The following FHIT variants were observed in gnomAD, a reference collection of about 807,000 sequenced individuals.
FHIT encodes fragile histidine triad diadenosine triphosphatase, also known as bis(5'-adenosyl)-triphosphatase.
Under a neutral mutation model 17.9 loss-of-function variants are expected in FHIT, and 19 were observed. That is an observed-to-expected ratio of 1.06 (90% CI 0.74 to 1.56). FHIT has a LOEUF of 1.56. Ranked by LOEUF, FHIT falls within the 40% of genes most tolerant of loss-of-function variation. The probability of loss-of-function intolerance (pLI) is 0.00; values close to 1 mark genes in which losing one functional copy is unlikely to be tolerated. For synonymous variants in FHIT, 81 were observed against 69.7 expected, an observed-to-expected ratio of 1.16 and a Z score of -0.81; for missense variants, 248 against 189.2, an observed-to-expected ratio of 1.31 and a Z score of -1.82.
chr3:60,308,496 G>GTATATATATATATATATATATATATATA (rs5849349), intron 5 of FHIT, among the ~76,000 whole-genome samples: 6 of 140,952 alleles, frequency 4.3e-5, no homozygotes, highest in South Asian at 4.8e-4. Context: ...AGGTGTATGT[G>GTATATATATATATATATATATATATATA]TATATATATA....
At chr3:60,107,180 A>G (rs1465051028) in intron 5 of FHIT, among the ~76,000 whole-genome samples, 1 of 131,468 alleles carries the variant, frequency 7.6e-6, no homozygotes, top group African/African-American at 2.8e-5. Flanking sequence ...TTTGTACACA[A>G]AGGACTCTTT....
chr3:60,930,256 A>C (rs1157581600), intron 3 of FHIT, among the ~76,000 whole-genome samples: 4 of 152,226 alleles, frequency 2.6e-5, no homozygotes, highest in African/African-American at 9.6e-5. Flanking sequence ...CTAAAACCAT[A>C]AAAACCCTAG....
At chr3:59,859,700 G>A (rs561661389) in intron 8 of FHIT, among the ~76,000 whole-genome samples, 4 of 152,282 alleles carry the variant, frequency 2.6e-5, no homozygotes, top group Non-Finnish European at 4.4e-5. Flanking sequence ...CAGCCTGGGC[G>A]ACAGAGGGAG....
chr3:59,792,866 A>AT (rs34539132), intron 8 of FHIT, among the ~76,000 whole-genome samples: 4 of 103,848 alleles, frequency 3.9e-5, no homozygotes, highest in Admixed American at 9.6e-5. Flanking sequence ...GGAGGTCCTT[A>AT]TTTTTTGGGG....
chr3:60,900,155 T>A (rs535615597), intron 3 of FHIT, among the ~76,000 whole-genome samples: 21 of 152,300 alleles, frequency 1.4e-4, no homozygotes, highest in African/African-American at 4.8e-4. Flanking sequence ...CTGCTGTCAT[T>A]GATTCTCCTA....
intron 2 of FHIT, among the ~76,000 whole-genome samples, chr3:61,180,130 C>T (rs2038293158): frequency 1.3e-5 from 2 of 152,098 alleles, no homozygotes; most frequent in East Asian, 1.9e-4. Context: ...AACCTCTTAG[C>T]GTGCCTTTCC....
intron 3 of FHIT, among the ~76,000 whole-genome samples, chr3:60,893,879 G>A (rs1553761278): frequency 6.6e-6 from 1 of 152,156 alleles, no homozygotes; most frequent in Non-Finnish European, 1.5e-5. Flanking sequence ...ACCACATAGG[G>A]GTTAGGACAA....
At chr3:59,919,833 A>G (rs897637950) in intron 8 of FHIT, among the ~76,000 whole-genome samples, 1 of 152,152 alleles carries the variant, frequency 6.6e-6, no homozygotes, top group African/African-American at 2.4e-5. Context: ...TCATCACTCC[A>G]TCGCTTCTGA....
chr3:60,025,653 T>C (rs1296013518), intron 5 of FHIT, among the ~76,000 whole-genome samples: 1 of 149,076 alleles, frequency 6.7e-6, no homozygotes, highest in African/African-American at 2.5e-5. Flanking sequence ...GCTGGACACA[T>C]AAAGATGATT....
At chr3:60,172,615 G>T (rs1435152574) in intron 5 of FHIT, among the ~76,000 whole-genome samples, 2 of 151,996 alleles carry the variant, frequency 1.3e-5, no homozygotes, top group African/African-American at 4.8e-5. Context: ...GAAAGACGTG[G>T]GATAGGGGCA....
chr3:60,732,769 C>T (rs1338990525), intron 4 of FHIT: 1 of 259,598 alleles, frequency 3.9e-6, no homozygotes, highest in African/African-American at 2.3e-5. Context: ...TCACTGCAAT[C>T]TCCACCTTCC....
At chr3:60,901,873 C>T (rs1706130866) in intron 3 of FHIT, among the ~76,000 whole-genome samples, 1 of 152,168 alleles carries the variant, frequency 6.6e-6, no homozygotes, top group African/African-American at 2.4e-5. Context: ...GCTACTGATC[C>T]TATTCCATAA....
intron 4 of FHIT, among the ~76,000 whole-genome samples, chr3:60,737,748 CA>C (rs1309688266): frequency 6.6e-6 from 1 of 151,414 alleles, no homozygotes; most frequent in African/African-American, 2.4e-5. Context: ...AGTGAGCTGG[CA>C]AAAAAACAAA....
intron 5 of FHIT, among the ~76,000 whole-genome samples, chr3:60,243,495 G>A (rs1266602890): frequency 2.0e-5 from 3 of 152,054 alleles, no homozygotes; most frequent in African/African-American, 4.8e-5. Flanking sequence ...TAGGGACTGA[G>A]CTTAAAATCT....
intron 1 of FHIT, among the ~76,000 whole-genome samples, chr3:61,221,317 A>G (rs1188935587): frequency 2.6e-5 from 4 of 152,236 alleles, no homozygotes. Flanking sequence ...TGTTCCCAAT[A>G]GCACAGGTCC....
At chr3:60,720,458 G>C (rs1423980834) in intron 4 of FHIT, among the ~76,000 whole-genome samples, 1 of 152,186 alleles carries the variant, frequency 6.6e-6, no homozygotes, top group Non-Finnish European at 1.5e-5. Flanking sequence ...AAATCATTTA[G>C]CACAGTGCCT....
chr3:60,452,380 G>A (rs1233913868), intron 5 of FHIT, among the ~76,000 whole-genome samples: 2 of 152,148 alleles, frequency 1.3e-5, no homozygotes, highest in East Asian at 1.9e-4. Context: ...TAGGACCAGA[G>A]AGGCTTTACT....
chr3:60,059,283 G>A (rs543486169), intron 5 of FHIT, among the ~76,000 whole-genome samples: 1 of 152,150 alleles, frequency 6.6e-6, no homozygotes, highest in Non-Finnish European at 1.5e-5. Context: ...GCAGAATATG[G>A]TTTTCTGGGG....
At chr3:60,297,527 A>G (rs1708266673) in intron 5 of FHIT, among the ~76,000 whole-genome samples, 2 of 151,984 alleles carry the variant, frequency 1.3e-5, no homozygotes, top group African/African-American at 4.8e-5. Flanking sequence ...GGATTTTTTA[A>G]AAAGATTCCT....
Sources: gnomAD v4.1 joint callset for allele counts (sites outside exome capture counted in the v4.1 genomes callset) on GRCh38, gnomAD v4.1.1 for gene constraint, MANE v1.5 for transcripts, NCBI Gene and HGNC (gene_info 2026-07-23, HGNC 2026-07-21) for gene names.